ACTMAP: variants seen among roughly 807,000 people sequenced by gnomAD.
ACTMAP encodes actin maturation protease.
the ACTMAP span, chr19:40,749,597 G>C: frequency 1.9e-6 from 3 of 1,550,846 alleles, no homozygotes; most frequent in Non-Finnish European, 2.6e-6. Flanking sequence ...AGACATGACG[G>C]GGAGCAGGCC....
At chr19:40,744,176 C>T in the ACTMAP span, 3 of 1,593,480 alleles carry the variant, frequency 1.9e-6, no homozygotes, top group Non-Finnish European at 2.6e-6. Context: ...ACCTCCTGGG[C>T]CAGCCTGCCC....
the ACTMAP span, chr19:40,741,733 C>G: frequency 2.2e-6 from 1 of 456,702 alleles, no homozygotes; most frequent in Non-Finnish European, 4.4e-6. Flanking sequence ...GCCAGTGATT[C>G]CACTTCTCCA....
chr19:40,749,140 G>A, the ACTMAP span, among the ~76,000 whole-genome samples: 3 of 151,954 alleles, frequency 2.0e-5, no homozygotes, highest in Admixed American at 6.6e-5. Flanking sequence ...ACAGTTGCAT[G>A]CCACCACACC....
the ACTMAP span, chr19:40,744,992 G>C: frequency 9.3e-6 from 10 of 1,072,332 alleles, no homozygotes; most frequent in Non-Finnish European, 1.4e-5. Flanking sequence ...AAGCCTGAGT[G>C]GAAAGTTCCC....
At chr19:40,744,679 C>G in the ACTMAP span, 2 of 1,608,604 alleles carry the variant, frequency 1.2e-6, no homozygotes, top group South Asian at 1.1e-5. Flanking sequence ...GCCACCAGCC[C>G]GCATCTGGGG....
chr19:40,744,208 G>C, the ACTMAP span: 1 of 1,550,838 alleles, frequency 6.4e-7, no homozygotes, highest in African/African-American at 1.4e-5. Flanking sequence ...TGCAGGGTGA[G>C]AGCACACAGA....
the ACTMAP span, chr19:40,742,050 T>C: frequency 4.2e-6 from 2 of 480,752 alleles, no homozygotes; most frequent in African/African-American, 2.0e-5. Context: ...GTATGACTAG[T>C]AGGTGGCAAG....
the ACTMAP span, chr19:40,743,860 G>A: frequency 6.2e-7 from 1 of 1,602,274 alleles, no homozygotes; most frequent in South Asian, 1.1e-5. Context: ...ATGGAGGCCG[G>A]GGAGACCCAG....
At chr19:40,742,226 T>C in the ACTMAP span, 1 of 707,078 alleles carries the variant, frequency 1.4e-6, no homozygotes, top group Non-Finnish European at 2.6e-6. Flanking sequence ...TCAGATGGAA[T>C]AGGCAGGCCG....
At chr19:40,748,756 C>T in the ACTMAP span, among the ~76,000 whole-genome samples, 1 of 152,190 alleles carries the variant, frequency 6.6e-6, no homozygotes, top group South Asian at 2.1e-4. Flanking sequence ...AGAACATGTC[C>T]TCATTTCACT....
the ACTMAP span, chr19:40,744,732 A>C: frequency 6.5e-7 from 1 of 1,549,672 alleles, no homozygotes; most frequent in Non-Finnish European, 8.7e-7. Context: ...CAGCCCCCTT[A>C]CCTGGAAGCT....
At chr19:40,746,218 G>T in the ACTMAP span, among the ~76,000 whole-genome samples, 16 of 151,928 alleles carry the variant, frequency 1.1e-4, no homozygotes, top group Admixed American at 2.6e-4. Context: ...CTTTTTGTTT[G>T]TTTGTTTGTT....
At chr19:40,742,310 TGAA>T in the ACTMAP span, 2 of 1,005,582 alleles carry the variant, frequency 2.0e-6, no homozygotes, top group African/African-American at 1.6e-5. Context: ...GTGGCCCTGA[TGAA>T]GGAGGACTGG....
the ACTMAP span, chr19:40,749,781 G>A: frequency 6.8e-7 from 1 of 1,467,424 alleles, no homozygotes; most frequent in Admixed American, 2.8e-5. Flanking sequence ...TGGTTTTAGG[G>A]GAGGAGAGCA....
the ACTMAP span, among the ~76,000 whole-genome samples, chr19:40,746,524 C>T: frequency 3.3e-5 from 5 of 151,856 alleles, no homozygotes; most frequent in South Asian, 2.1e-4. Flanking sequence ...TGCAGGCTCC[C>T]GCCACCACAC....
At chr19:40,749,405 C>CCG in the ACTMAP span, 8 of 436,064 alleles carry the variant, frequency 1.8e-5, no homozygotes, top group Non-Finnish European at 2.5e-5. Context: ...GACACGGGAA[C>CCG]CCCCCCCCCA....
the ACTMAP span, chr19:40,744,143 GC>G: frequency 6.2e-7 from 1 of 1,610,972 alleles, no homozygotes; most frequent in Non-Finnish European, 8.5e-7. Context: ...CCACCAGAGA[GC>G]AGCTTGGCCT....
At chr19:40,745,323 T>C in the ACTMAP span, 2 of 902,612 alleles carry the variant, frequency 2.2e-6, no homozygotes, top group African/African-American at 1.7e-5. Context: ...GTCCTAAGGC[T>C]GAAGGCGGCT....
the ACTMAP span, among the ~76,000 whole-genome samples, chr19:40,746,550 T>C: frequency 1.9e-4 from 29 of 152,232 alleles, no homozygotes; most frequent in African/African-American, 6.7e-4. Context: ...TAATTTTTTG[T>C]ATTTTTAGTA....
Sources: gnomAD v4.1 joint callset for allele counts (sites outside exome capture counted in the v4.1 genomes callset) on GRCh38, gnomAD v4.1.1 for gene constraint, MANE v1.5 for transcripts, NCBI Gene and HGNC (gene_info 2026-07-23, HGNC 2026-07-21) for gene names.